Variants in EIF4A1 observed in about 807,000 individuals in gnomAD.
The protein encoded by EIF4A1 is eukaryotic translation initiation factor 4A1.
Under a neutral mutation model 53.5 loss-of-function variants are expected in EIF4A1, and 11 were observed. The observed-to-expected ratio is 0.21, with a 90% CI of 0.13 to 0.34. EIF4A1 has a LOEUF of 0.34. Ranked by LOEUF, EIF4A1 falls within the 10% of genes least tolerant of loss-of-function variation. The probability of loss-of-function intolerance (pLI) is 1.00; values close to 1 mark genes in which losing one functional copy is unlikely to be tolerated. For missense variants in EIF4A1, 213 were observed against 530.8 expected, an observed-to-expected ratio of 0.40 and a Z score of 5.88; for synonymous variants, 237 against 186.7, an observed-to-expected ratio of 1.27 and a Z score of -2.20.
chr17:7,575,277 C>G lies in EIF4A1; in HGVS notation c.345+19C>G. ...TCAGCAGGTAAGAGTGGCTTCTATT[C>G]CCTCCTTCAGGGCTGATTTAGGGAT... On this transcript the variant is annotated intron_variant, in intron 4 of 10. Coordinates refer to ENST00000293831, the MANE Select transcript of EIF4A1 (RefSeq NM_001416.4). 3.1e-6 allele frequency: 5 copies of G among 1,613,582 alleles called. No homozygotes were observed. The highest frequency in any genetic ancestry group is 4.2e-6 in the Non-Finnish European group (5 of 1,180,008).
In EIF4A1 at chr17:7,575,191, A is replaced by G; in HGVS notation, c.278A>G (p.Gln93Arg). ...ACATTTGCCATATCGATTCTGCAGC[A>G]GATTGAATTAGATCTAAAAGCCACC... ...TATFAISILQ[Q>R]IELDLKATQA... Residue 93 changes from glutamine to arginine, a missense_variant, in exon 4 of 11, where the codon CAG (glutamine) becomes CGG (arginine). By Grantham distance (43) the Gln-to-Arg change is conservative. Around this residue, in one of 4 missense-constraint regions of EIF4A1, gnomAD observed 119 missense variants for 351.0 expected, o/e 0.34. Coordinates refer to ENST00000293831, the MANE Select transcript of EIF4A1 (RefSeq NM_001416.4). 1.9e-6 allele frequency: 3 copies of G among 1,613,332 alleles called. No homozygotes were observed. Among genetic ancestry groups the G allele is most frequent in the Non-Finnish European group, 2.5e-6 (3 of 1,180,038 alleles).
At chr17:7,574,429 G>A (rs1395204276) in intron 2 of EIF4A1, 117 bp from the exon 3 acceptor site, 2 of 1,603,464 alleles carry the variant, frequency 1.2e-6, no homozygotes, top group Non-Finnish European at 1.7e-6. Flanking sequence ...CCTAAAGGGA[G>A]GAGGGTTGTA....
chr17:7,577,760 C>CTT lies in EIF4A1; in HGVS notation c.906+55_906+56dup, dbSNP rs759249053. ...GGGTCTGCCCGTCAGAAGTGTCCTA[C>CTT]TTGAAGCCAGGGTTCCTGGAACCCA... On this transcript the variant is annotated intron_variant, in intron 8 of 10. Transcript: ENST00000293831. The surrounding 1 kb of genome is among the most constrained non-coding windows in gnomAD (Gnocchi z 4.7). The CTT allele has an allele frequency of 2.7e-5, 43 of 1,614,008 alleles. No homozygotes were observed. The highest frequency in any genetic ancestry group is 3.3e-4 in the Middle Eastern group (2 of 6,062).
In EIF4A1 at chr17:7,577,241, T is replaced by C; in HGVS notation, c.624+76T>C. 8 of 1,568,806 alleles carry C rather than the reference T, an allele frequency of 5.1e-6. No individual in the cohort carries two copies. The highest frequency in any genetic ancestry group is 6.9e-6 in the Non-Finnish European group (8 of 1,160,008). Reference sequence around the variant, plus strand: ...GCCAGGGGAACCATATACTGGATTCTTGAGCCTTTTTATGCATCTGCTTCA... The same window carrying C: ...GCCAGGGGAACCATATACTGGATTCCTGAGCCTTTTTATGCATCTGCTTCA... On this transcript the variant is annotated intron_variant, in intron 6 of 10. Transcript: ENST00000293831. This position sits in a 1 kb window ranked among gnomAD's most constrained non-coding sequence, Gnocchi z 4.7.
At chr17:7,576,760 G>T (rs1447740863) in intron 5 of EIF4A1, 68 bp downstream of exon 5, 3 of 1,558,802 alleles carry the variant, frequency 1.9e-6, no homozygotes, top group Non-Finnish European at 2.6e-6. Context: ...GTCTTTCAGC[G>T]TAAGCCAGAG....
chr17:7,577,753 T>C lies in EIF4A1; in HGVS notation c.906+47T>C. On this transcript the variant is annotated intron_variant, in intron 8 of 10. Transcript: ENST00000293831. This position sits in a 1 kb window ranked among gnomAD's most constrained non-coding sequence, Gnocchi z 4.7. Reference sequence around the variant, plus strand: ...CTGTTGTGGGTCTGCCCGTCAGAAGTGTCCTACTTGAAGCCAGGGTTCCTG... The same window carrying C: ...CTGTTGTGGGTCTGCCCGTCAGAAGCGTCCTACTTGAAGCCAGGGTTCCTG... The C allele has an allele frequency of 6.2e-7, 1 of 1,613,938 alleles. No homozygotes were observed. Among genetic ancestry groups the C allele is most frequent in the Non-Finnish European group, 8.5e-7 (1 of 1,179,990 alleles).
rs187501666 is a variant in EIF4A1 at position 7,573,089 on chromosome 17, T to C, written c.23+225T>C. On this transcript the variant is annotated intron_variant, in intron 1 of 10. Transcript: ENST00000293831. ...CGGCTAGGGTCAGGCGTGCGAGGTC[T>C]GTTACGAGGCCTCGACCCGAGGCGG... The C allele has an allele frequency of 1.3e-3, 882 of 677,198 alleles. 2 individuals are homozygous for C. The African/African-American group carries it at 0.013, about 10-fold the overall frequency. The allele number at this position is 677,198 out of a possible 1,614,324, so 41.9% of individuals were successfully genotyped here.
chr17:7,578,323 C>G lies in EIF4A1; in HGVS notation c.1077-19C>G. On this transcript the variant is annotated intron_variant, in intron 10 of 10. Transcript: ENST00000293831. The stretch of plus-strand genomic sequence containing the variant: ...GCTTAAAGCTCCTGATATTCCTCAT[C>G]CCCTTCCTTGTTTTCCAGAATCGGT... 1 of 1,612,924 alleles carries G rather than the reference C, an allele frequency of 6.2e-7. No homozygotes were observed. Among genetic ancestry groups the G allele is most frequent in the South Asian group, 1.1e-5 (1 of 90,972 alleles).
rs761109374 is a variant in EIF4A1, at chr17:7,577,168, G to T, written c.624+3G>T. 2 of 1,597,410 alleles carry T rather than the reference G, an allele frequency of 1.3e-6. No individual in the cohort carries two copies. The highest frequency in any genetic ancestry group is 1.1e-5 in the South Asian group (1 of 87,754). On this transcript the variant is annotated splice_donor_region_variant and intron_variant, in intron 6 of 10. Coordinates refer to ENST00000293831, the MANE Select transcript of EIF4A1 (RefSeq NM_001416.4). This position sits in a 1 kb window ranked among gnomAD's most constrained non-coding sequence, Gnocchi z 4.7. ...AAAAGCTCAACAGCAACACCCAGGT[G>T]AGGGCAGTCTTGCTTGAATAGCTAA...
At chr17:7,574,221 G>T in intron 1 of EIF4A1, 39 bp from the exon 2 acceptor site, 1 of 1,613,144 alleles carries the variant, frequency 6.2e-7, no homozygotes, top group Non-Finnish European at 8.5e-7. Context: ...TGAGTGCTTC[G>T]GTCGGGCAGG....
chr17:7,576,901 C>T, intron 5 of EIF4A1, 155 bp from the exon 6 acceptor site: 1 of 1,330,434 alleles, frequency 7.5e-7, no homozygotes, highest in Non-Finnish European at 1.1e-6. Flanking sequence ...GGGCTGTTGT[C>T]TGCCTGGCGG....
rs74862782 is a variant in EIF4A1, at chr17:7,575,585, G to A, written c.345+327G>A. The A allele has an allele frequency of 3.3e-3, 1,433 of 429,066 alleles. 17 individuals are homozygous for A. The highest frequency in any genetic ancestry group is 0.026 in the African/African-American group (1,318 of 49,764). The allele number at this position is 429,066 out of a possible 1,614,324, so 26.6% of individuals were successfully genotyped here. ...GATCTTACAGTAGTCAGAGCAGATG[G>A]ACAGTCCTTTTCACCCTTGCTTAAT... On this transcript the variant is annotated intron_variant, in intron 4 of 10. Transcript: ENST00000293831.
intron 9 of EIF4A1, 120 bp downstream of exon 9, chr17:7,578,036 G>A (rs2071425557): frequency 1.9e-6 from 3 of 1,565,650 alleles, no homozygotes; most frequent in Non-Finnish European, 2.6e-6. Flanking sequence ...GCATGCCTAA[G>A]GCCTTTGGGG....
At chr17:7,578,075 C>T (rs770955471) in intron 9 of EIF4A1, 90 bp from the exon 10 acceptor site, 13 of 1,593,700 alleles carry the variant, frequency 8.2e-6, no homozygotes, top group Admixed American at 1.7e-5. Flanking sequence ...CTCTGCCTTC[C>T]TTGGCTGCCC....
chr17:7,575,040 T>C, intron 3 of EIF4A1, 79 bp from the exon 4 acceptor site: 6 of 1,570,314 alleles, frequency 3.8e-6, no homozygotes, highest in Non-Finnish European at 4.3e-6. Context: ...TGGTTGCTTA[T>C]TGACCTCATT....
At chr17:7,574,860 G>T in intron 3 of EIF4A1, 182 bp downstream of exon 3, 1 of 1,163,474 alleles carries the variant, frequency 8.6e-7, no homozygotes, top group Non-Finnish European at 1.3e-6. Context: ...TTCCTTTAAA[G>T]AGGTGGTATT....
intron 2 of EIF4A1, 112 bp from the exon 3 acceptor site, chr17:7,574,434 G>A (rs2071372694): frequency 4.4e-6 from 7 of 1,602,350 alleles, no homozygotes; most frequent in South Asian, 2.2e-5. Flanking sequence ...AGGGAGGAGG[G>A]TTGTAAGCTC....
Position 7,572,921 on chromosome 17 carries a change from G to GGGCCCGCCGGGGGTAGCTGAGA in EIF4A1, c.23+63_23+84dup. 4 of 1,614,076 alleles carry GGGCCCGCCGGGGGTAGCTGAGA rather than the reference G, an allele frequency of 2.5e-6. No homozygotes were observed. In the Admixed American group the frequency reaches 6.7e-5, roughly 27 times the overall value. On this transcript the variant is annotated intron_variant, in intron 1 of 10. Transcript: ENST00000293831. ...GCTTATTTTGCCGCCCCCTTCCGAC[G>GGGCCCGCCGGGGGTAGCTGAGA]GGCCCGCCGGGGGTAGCTGAGAGGC...
intron 4 of EIF4A1, 81 bp from the exon 5 acceptor site, chr17:7,576,442 GA>G: frequency 6.8e-7 from 1 of 1,475,152 alleles, no homozygotes; most frequent in East Asian, 2.4e-5. Context: ...TGTTGGTTAG[GA>G]ATCAATACAT....
Sources: gnomAD v4.1 joint callset for allele counts on GRCh38, gnomAD v4.1.1 for gene constraint, gnomAD v4.1.1 regional missense constraint, Gnocchi (gnomAD v3.1) non-coding constraint, MANE v1.5 for transcripts, NCBI Gene and HGNC (gene_info 2026-07-23, HGNC 2026-07-21) for gene names.